SPAG16: variants seen among roughly 807,000 people sequenced by gnomAD.
SPAG16 encodes the protein sperm associated antigen 16, also known as sperm-associated antigen 16 protein.
A neutral mutation model predicts 80.4 loss-of-function variants in SPAG16; 86 were observed. That is an observed-to-expected ratio of 1.07 (90% CI 0.90 to 1.28). SPAG16 has a LOEUF of 1.28. Among genes scored for constraint, SPAG16 ranks in the 50% most tolerant of loss-of-function variants. The pLI, the probability that SPAG16 is intolerant of heterozygous loss-of-function variation, is 0.00. For synonymous variants in SPAG16, 294 were observed against 265.9 expected (o/e 1.11, Z -1.03); for missense variants, 870 against 765.3 (o/e 1.14, Z -1.61).
intron 13 of SPAG16, among the ~76,000 whole-genome samples, chr2:214,037,041 G>T (rs553533775): frequency 1.3e-5 from 2 of 151,504 alleles, no homozygotes; most frequent in South Asian, 4.2e-4. Context: ...TTCCTTTCTT[G>T]TGTTGTCGTT....
At chr2:214,228,277 A>G (rs754507502) in intron 15 of SPAG16, among the ~76,000 whole-genome samples, 42 of 152,098 alleles carry the variant, frequency 2.8e-4, no homozygotes, top group Middle Eastern at 6.8e-3. Flanking sequence ...TCATAATTCA[A>G]TATGCATATA....
intron 11 of SPAG16, among the ~76,000 whole-genome samples, chr2:213,910,014 A>G (rs536384805): frequency 1.1e-3 from 174 of 152,346 alleles, no homozygotes; most frequent in African/African-American, 3.9e-3. Context: ...TAATAATTTT[A>G]TGACTCAGTG....
At chr2:213,909,821 C>T (rs1264668438) in intron 11 of SPAG16, among the ~76,000 whole-genome samples, 1 of 152,136 alleles carries the variant, frequency 6.6e-6, no homozygotes, top group African/African-American at 2.4e-5. Flanking sequence ...ACTTTCTACC[C>T]TCAAACCCTC....
intron 10 of SPAG16, among the ~76,000 whole-genome samples, chr2:213,783,336 CTT>C (rs1392106031): frequency 7.3e-6 from 1 of 137,706 alleles, no homozygotes; most frequent in Non-Finnish European, 1.6e-5. Context: ...AAAAAAAAAT[CTT>C]AATGACTTAG....
At chr2:214,400,596 A>C (rs7573430) in intron 15 of SPAG16, among the ~76,000 whole-genome samples, 131,705 of 151,812 alleles carry the variant, frequency 0.87, 57,234 homozygotes, top group Middle Eastern at 0.9. Flanking sequence ...GGAACCAACA[A>C]CCCCATAGAT....
chr2:213,285,198 G>A (rs1298756659), intron 1 of SPAG16, among the ~76,000 whole-genome samples: 1 of 152,126 alleles, frequency 6.6e-6, no homozygotes, highest in Non-Finnish European at 1.5e-5. Context: ...TAGTATAGTT[G>A]CTTTTTTTTC....
chr2:213,672,313 A>C (rs2063840940), intron 10 of SPAG16, among the ~76,000 whole-genome samples: 1 of 152,006 alleles, frequency 6.6e-6, no homozygotes, highest in Non-Finnish European at 1.5e-5. Flanking sequence ...AAAGAAAAAA[A>C]TGTTTCTTTC....
chr2:213,417,907 T>C (rs2069355365), intron 9 of SPAG16, among the ~76,000 whole-genome samples: 1 of 152,016 alleles, frequency 6.6e-6, no homozygotes, highest in South Asian at 2.1e-4. Context: ...GTTTTGCTCT[T>C]GTTGCCCAGG....
chr2:214,146,856 C>T (rs141727168), intron 14 of SPAG16, among the ~76,000 whole-genome samples: 21,428 of 151,852 alleles, frequency 0.14, 1,741 homozygotes, highest in South Asian at 0.22. Context: ...AAAAATTAGC[C>T]GGGTGTGGTG....
At chr2:213,826,032 T>C (rs946104397) in intron 10 of SPAG16, among the ~76,000 whole-genome samples, 17 of 151,952 alleles carry the variant, frequency 1.1e-4, no homozygotes, top group African/African-American at 4.1e-4. Flanking sequence ...AGTTTTTGAA[T>C]GTATTGGCAT....
chr2:213,925,506 C>T (rs1361349094), intron 11 of SPAG16, among the ~76,000 whole-genome samples: 1 of 152,072 alleles, frequency 6.6e-6, no homozygotes, highest in Admixed American at 6.6e-5. Context: ...TGTCCACTAC[C>T]CTATCCGGCT....
chr2:213,642,461 A>G (rs1200990720), intron 10 of SPAG16, among the ~76,000 whole-genome samples: 7 of 152,002 alleles, frequency 4.6e-5, no homozygotes, highest in African/African-American at 9.7e-5. Context: ...CAAAATATTG[A>G]TCCTGGGTGT....
intron 13 of SPAG16, among the ~76,000 whole-genome samples, chr2:214,029,980 G>A (rs971099581): frequency 7.9e-5 from 12 of 151,958 alleles, no homozygotes; most frequent in African/African-American, 2.9e-4. Context: ...GTATTTTAGT[G>A]GTAAGAACAA....
intron 13 of SPAG16, among the ~76,000 whole-genome samples, chr2:214,059,239 T>TAC (rs1265681758): frequency 1.8e-5 from 2 of 111,786 alleles, no homozygotes; most frequent in Non-Finnish European, 3.8e-5. Context: ...TATATATATA[T>TAC]ATGTATGTAT....
intron 10 of SPAG16, among the ~76,000 whole-genome samples, chr2:213,677,923 A>C (rs2064174513): frequency 6.6e-6 from 1 of 152,108 alleles, no homozygotes; most frequent in Non-Finnish European, 1.5e-5. Flanking sequence ...ACTGTCTCTC[A>C]GACCACAGTG....
intron 7 of SPAG16, among the ~76,000 whole-genome samples, chr2:213,355,158 AAGATC>A (rs951596814): frequency 4.0e-4 from 61 of 152,250 alleles, no homozygotes; most frequent in African/African-American, 1.4e-3. Flanking sequence ...AGGTTTGTCA[AAGATC>A]AGATGGTTGT....
chr2:214,130,731 A>G (rs2054724621), intron 14 of SPAG16, among the ~76,000 whole-genome samples: 1 of 152,194 alleles, frequency 6.6e-6, no homozygotes, highest in Non-Finnish European at 1.5e-5. Flanking sequence ...GATCTCATAC[A>G]TGAATATCTG....
At chr2:213,508,076 C>A (rs2075043909) in intron 10 of SPAG16, among the ~76,000 whole-genome samples, 1 of 152,158 alleles carries the variant, frequency 6.6e-6, no homozygotes, top group South Asian at 2.1e-4. Context: ...CTAGAAATAC[C>A]ATTTGACCCA....
intron 10 of SPAG16, among the ~76,000 whole-genome samples, chr2:213,534,841 C>A (rs1432188941): frequency 1.3e-5 from 2 of 152,054 alleles, no homozygotes; most frequent in Non-Finnish European, 2.9e-5. Context: ...ATTCTAACTT[C>A]CTGCACATTA....
Sources: allele counts gnomAD v4.1 joint callset (sites outside exome capture counted in the v4.1 genomes callset), GRCh38; gene constraint gnomAD v4.1.1; transcripts MANE v1.5; gene names NCBI Gene and HGNC (gene_info 2026-07-23, HGNC 2026-07-21).